SIPA1L1: variants seen among roughly 807,000 people sequenced by gnomAD.
SIPA1L1 encodes signal-induced proliferation-associated 1-like protein 1.
SIPA1L1 carries 26 observed loss-of-function variants against 162.7 expected under a neutral mutation model. That is an observed-to-expected ratio of 0.16 (90% CI 0.12 to 0.22). SIPA1L1 has a LOEUF of 0.22. Among genes scored for constraint, SIPA1L1 ranks in the 10% least tolerant of loss-of-function variants. The probability of loss-of-function intolerance (pLI) is 1.00; values close to 1 mark genes in which losing one functional copy is unlikely to be tolerated. For synonymous variants in SIPA1L1, 829 were observed against 837.4 expected (o/e 0.99, Z 0.17); for missense variants, 1,874 against 2,241.0 (o/e 0.84, Z 3.31).
chr14:71,413,217 A>G (rs976073079), intron 2 of SIPA1L1, among the ~76,000 whole-genome samples: 2 of 152,226 alleles, frequency 1.3e-5, no homozygotes, highest in Admixed American at 6.5e-5. Context: ...TGTGGGTACA[A>G]AATTGCTCCC....
chr14:71,467,227 G>C lies in SIPA1L1; in HGVS notation c.-464-45516G>C, dbSNP rs961054780. 7.2e-4 allele frequency: 110 copies of C among 152,202 alleles called. 5 individuals carry two copies. Among genetic ancestry groups the C allele is most frequent in the Non-Finnish European group, 2.9e-5 (2 of 68,030 alleles). 9.4% of individuals were successfully genotyped at this position (152,202 alleles called of 1,614,324 possible). On this transcript the variant is annotated intron_variant, in intron 2 of 23. Coordinates refer to ENST00000381232, the MANE Select transcript of SIPA1L1 (RefSeq NM_001386936.1). ...CACCGTTGGATTCTTTGTCGTTCAA[G>C]TGAATGTTGACTATTTACAGGTAAA...
At chr14:71,730,394 C>T in intron 20 of SIPA1L1, 93 bp downstream of exon 20, 1 of 1,425,926 alleles carries the variant, frequency 7.0e-7, no homozygotes, top group South Asian at 1.3e-5. Context: ...AGAGAGGGGT[C>T]CTGTATCCAT....
chr14:71,531,919 A>C (rs932087221), intron 4 of SIPA1L1, among the ~76,000 whole-genome samples: 2 of 152,196 alleles, frequency 1.3e-5, no homozygotes, highest in Non-Finnish European at 2.9e-5. Flanking sequence ...CATGAAACTG[A>C]ATAGTCAGTT....
At chr14:71,656,899 G>A (rs867395242) in intron 8 of SIPA1L1, among the ~76,000 whole-genome samples, 1 of 152,202 alleles carries the variant, frequency 6.6e-6, no homozygotes, top group Admixed American at 6.5e-5. Flanking sequence ...GGAGTATTTT[G>A]GGGGGTGGGC....
chr14:71,414,491 G>A (rs1227206956), intron 2 of SIPA1L1, among the ~76,000 whole-genome samples: 1 of 152,244 alleles, frequency 6.6e-6, no homozygotes, highest in East Asian at 1.9e-4. Context: ...CCTTTTTGAA[G>A]TGGAAAAGGA....
chr14:71,532,444 G>T (rs2053534971), intron 4 of SIPA1L1, among the ~76,000 whole-genome samples: 1 of 152,164 alleles, frequency 6.6e-6, no homozygotes, highest in African/African-American at 2.4e-5. Flanking sequence ...AACTTGGCTT[G>T]TTTTTGTACC....
At chr14:71,731,173 A>G (rs966009452) in intron 20 of SIPA1L1, among the ~76,000 whole-genome samples, 2 of 152,166 alleles carry the variant, frequency 1.3e-5, no homozygotes, top group African/African-American at 2.4e-5. Flanking sequence ...TCTCTGGAAC[A>G]GTAATTTCTT....
chr14:71,699,099 A>G lies in SIPA1L1; in HGVS notation c.3493A>G (p.Thr1165Ala), dbSNP rs1362295029. 5 of 1,614,150 alleles carry G rather than the reference A, an allele frequency of 3.1e-6. No homozygotes were observed. Among genetic ancestry groups the G allele is most frequent in the Admixed American group, 1.7e-5 (1 of 60,014 alleles). ...SSSDTGSVGG[T>A]YRQKSMPEGF... ...CAGTGATACTGGTTCTGTGGGGGGCACTTACAGGCAGAAGTCCATGCCCGA... is the reference window on the plus strand; with the variant it reads ...CAGTGATACTGGTTCTGTGGGGGGCGCTTACAGGCAGAAGTCCATGCCCGA... The change falls in exon 14 of 24, where the codon ACT (threonine) becomes GCT (alanine). Residue 1165 changes from threonine (T) to alanine (A), a missense_variant. Physicochemically the swap from Thr to Ala is moderately conservative, Grantham distance 58. Transcript: ENST00000381232.
intron 2 of SIPA1L1, among the ~76,000 whole-genome samples, chr14:71,505,514 T>A (rs2050592940): frequency 6.6e-6 from 1 of 152,052 alleles, no homozygotes; most frequent in Non-Finnish European, 1.5e-5. Context: ...TCATCTACTT[T>A]ATTATTAAAA....
chr14:71,562,810 C>T (rs771565482), intron 4 of SIPA1L1, among the ~76,000 whole-genome samples: 2 of 152,126 alleles, frequency 1.3e-5, no homozygotes, highest in Non-Finnish European at 2.9e-5. Context: ...CCTGCCACCA[C>T]ACCCGGCTAA....
Position 71,705,204 on chromosome 14 carries a change from T to C in SIPA1L1, c.3647-18T>C. The C allele has an allele frequency of 2.6e-6, 4 of 1,557,424 alleles. No individual in the cohort carries two copies. The highest frequency in any genetic ancestry group is 1.7e-4 in the Middle Eastern group (1 of 5,962). On this transcript the variant is annotated intron_variant, in intron 15 of 23. Transcript: ENST00000381232. Reference sequence around the variant, plus strand: ...TCTGCTTAGTGCCTGCACCATAATGTCCTATGCTGTATTCCAGAGCCAACA... The same window carrying C: ...TCTGCTTAGTGCCTGCACCATAATGCCCTATGCTGTATTCCAGAGCCAACA...
At chr14:71,380,041 TCA>T (rs891779668) in intron 2 of SIPA1L1, among the ~76,000 whole-genome samples, 7 of 152,194 alleles carry the variant, frequency 4.6e-5, no homozygotes, top group African/African-American at 1.7e-4. Flanking sequence ...GATTTGAAAG[TCA>T]CAGAGTTGCC....
intron 2 of SIPA1L1, among the ~76,000 whole-genome samples, chr14:71,391,085 T>C (rs1332485516): frequency 6.6e-6 from 1 of 151,384 alleles, no homozygotes; most frequent in Admixed American, 6.6e-5. Flanking sequence ...AAATTAGTTT[T>C]GTGCCTGTAT....
chr14:71,452,636 C>G (rs1369829518), intron 2 of SIPA1L1, among the ~76,000 whole-genome samples: 5 of 152,168 alleles, frequency 3.3e-5, no homozygotes, highest in Non-Finnish European at 7.4e-5. Context: ...AAGTAGTTTA[C>G]TGATTCACTC....
chr14:71,614,511 C>T (rs1291408454), intron 5 of SIPA1L1, among the ~76,000 whole-genome samples: 1 of 151,906 alleles, frequency 6.6e-6, no homozygotes, highest in South Asian at 2.1e-4. Flanking sequence ...GAAATTGGAC[C>T]GGAGTCTCCA....
intron 6 of SIPA1L1, among the ~76,000 whole-genome samples, chr14:71,623,072 TC>T (rs1217914016): frequency 6.6e-5 from 10 of 152,240 alleles, no homozygotes; most frequent in Non-Finnish European, 5.9e-5. Flanking sequence ...GTGGGGCCTT[TC>T]TTTATGCCCT....
chr14:71,613,841 C>A (rs1045500135), intron 5 of SIPA1L1, among the ~76,000 whole-genome samples: 2 of 150,064 alleles, frequency 1.3e-5, no homozygotes, highest in African/African-American at 4.9e-5. Flanking sequence ...CAAGTGTAGA[C>A]ATACTGCCCG....
At chr14:71,339,366 CTTTT>C (rs56755864) in intron 2 of SIPA1L1, among the ~76,000 whole-genome samples, 2 of 142,080 alleles carry the variant, frequency 1.4e-5, no homozygotes, top group African/African-American at 2.6e-5. Flanking sequence ...TTCTTTCTTT[CTTTT>C]TTTTTTTTTT....
chr14:71,646,996 C>T (rs1489965641), intron 7 of SIPA1L1, among the ~76,000 whole-genome samples: 1 of 152,118 alleles, frequency 6.6e-6, no homozygotes, highest in Non-Finnish European at 1.5e-5. Flanking sequence ...TTAGAATGTT[C>T]CTGATTACAT....
Sources: allele counts gnomAD v4.1 joint callset (sites outside exome capture counted in the v4.1 genomes callset), GRCh38; gene constraint gnomAD v4.1.1; transcripts MANE v1.5; gene names NCBI Gene and HGNC (gene_info 2026-07-23, HGNC 2026-07-21).